The following PELI2 variants were observed in gnomAD, a reference collection of about 807,000 sequenced individuals.
The protein encoded by PELI2 is E3 ubiquitin-protein ligase pellino homolog 2.
A neutral mutation model predicts 42.3 loss-of-function variants in PELI2; 23 were observed. The observed-to-expected ratio is 0.54, with a 90% confidence interval of 0.39 to 0.77. The LOEUF (loss-of-function observed/expected upper bound fraction) is 0.77. Among genes scored for constraint, PELI2 ranks in the 30% least tolerant of loss-of-function variants. The probability of loss-of-function intolerance (pLI) is 0.00; values close to 1 mark genes in which losing one functional copy is unlikely to be tolerated. For missense variants in PELI2, 463 were observed against 553.2 expected (o/e 0.84, Z 1.64); for synonymous variants, 245 against 212.2 (o/e 1.15, Z -1.34).
intron 1 of PELI2, among the ~76,000 whole-genome samples, chr14:56,158,744 T>A (rs1169594507): frequency 1.3e-5 from 2 of 152,162 alleles, no homozygotes; most frequent in African/African-American, 4.8e-5. Context: ...TAATTAAAAA[T>A]TTTCCTAATT....
intron 1 of PELI2, among the ~76,000 whole-genome samples, chr14:56,157,020 C>G (rs904639292): frequency 1.6e-4 from 24 of 152,268 alleles, no homozygotes; most frequent in Admixed American, 1.4e-3. Context: ...TTGACTGACT[C>G]CTAGCATCCA....
intron 2 of PELI2, among the ~76,000 whole-genome samples, chr14:56,215,852 C>T (rs1886890725): frequency 6.6e-6 from 1 of 152,190 alleles, no homozygotes; most frequent in African/African-American, 2.4e-5. Context: ...TAGCTTAAAA[C>T]AGTGTCACTG....
At chr14:56,223,348 G>T (rs900544433) in intron 2 of PELI2, among the ~76,000 whole-genome samples, 1 of 152,180 alleles carries the variant, frequency 6.6e-6, no homozygotes, top group Non-Finnish European at 1.5e-5. Context: ...GACACTGGGG[G>T]ATGGTGTGAA....
chr14:56,291,075 G>T (rs1889812168), intron 5 of PELI2, among the ~76,000 whole-genome samples: 1 of 152,094 alleles, frequency 6.6e-6, no homozygotes, highest in South Asian at 2.1e-4. Context: ...CTTTCTTGGA[G>T]AATAATTATA....
rs1406052215 is a variant in PELI2 at position 56,288,882 on chromosome 14, T to C, written c.507+248T>C. 6.6e-6 allele frequency among the ~76,000 whole-genome samples: 1 copy of C among 152,234 alleles called. No homozygotes were observed. Among genetic ancestry groups the C allele is most frequent in the Non-Finnish European group, 1.5e-5 (1 of 68,048 alleles). On this transcript the variant is annotated intron_variant, in intron 4 of 5. Transcript: ENST00000267460. The surrounding 1 kb of genome is among the most constrained non-coding windows in gnomAD (Gnocchi z 4.6). ...GTAAGTACTTTTTTTAAAGTATGCCTATAACATTGTCCATAATGTATTTAC... is the reference window on the plus strand; with the variant it reads ...GTAAGTACTTTTTTTAAAGTATGCCCATAACATTGTCCATAATGTATTTAC...
At chr14:56,187,524 A>G (rs1262705236) in intron 2 of PELI2, among the ~76,000 whole-genome samples, 1 of 152,224 alleles carries the variant, frequency 6.6e-6, no homozygotes, top group African/African-American at 2.4e-5. Context: ...GTATAGCTGA[A>G]AAGAAGTCAC....
chr14:56,118,623 C>A lies in PELI2; in HGVS notation c.-38C>A. 1 of 1,259,986 alleles carries A rather than the reference C, an allele frequency of 7.9e-7. No homozygotes were observed. The allele number at this position is 1,259,986 out of a possible 1,614,324, so 78.1% of individuals were successfully genotyped here. A position where few individuals can be genotyped will look rare whatever the true frequency, so the allele number is the denominator to read the frequency against. ...TCGGCGGGGATCGCGGCGGAGGCGGCGGCGTCGGCGGCGGCGTCGGCGGCC... is the reference window on the plus strand; with the variant it reads ...TCGGCGGGGATCGCGGCGGAGGCGGAGGCGTCGGCGGCGGCGTCGGCGGCC... On this transcript the variant is annotated 5_prime_UTR_variant, in exon 1 of 6. Transcript: ENST00000267460.
chr14:56,192,301 C>G (rs1287090582), intron 2 of PELI2, among the ~76,000 whole-genome samples: 1 of 152,146 alleles, frequency 6.6e-6, no homozygotes, highest in Admixed American at 6.5e-5. Flanking sequence ...TCATCATTTT[C>G]TAAAGTCGAG....
Position 56,123,345 on chromosome 14 carries a change from A to T in PELI2, c.77+4608A>T, listed in dbSNP as rs185767846. 7.1e-3 allele frequency among the ~76,000 whole-genome samples: 1,076 copies of T among 152,300 alleles called. 2 individuals carry two copies. Among genetic ancestry groups the T allele is most frequent in the Non-Finnish European group, 0.01 (711 of 68,030 alleles). ...CCTCCACTCTAATTTGGGCCCAAAGACATCAAACATTAGTATCTTTTATAG... is the reference window on the plus strand; with the variant it reads ...CCTCCACTCTAATTTGGGCCCAAAGTCATCAAACATTAGTATCTTTTATAG... On this transcript the variant is annotated intron_variant, in intron 1 of 5. Coordinates refer to ENST00000267460, the MANE Select transcript of PELI2 (RefSeq NM_021255.3).
intron 2 of PELI2, among the ~76,000 whole-genome samples, chr14:56,258,312 A>T (rs1888591460): frequency 6.6e-6 from 1 of 152,016 alleles, no homozygotes; most frequent in Non-Finnish European, 1.5e-5. Flanking sequence ...CGCAAAAAAA[A>T]ATTAATGGCC....
At chr14:56,135,639 G>A (rs242419) in intron 1 of PELI2, among the ~76,000 whole-genome samples, 15,781 of 152,174 alleles carry the variant, frequency 0.1, 1,074 homozygotes, top group East Asian at 0.3. Flanking sequence ...ATTGAAAACA[G>A]CCTTTATTTT....
At position 56,203,264 on chromosome 14, in the gene PELI2, C is replaced by A. The variant is rs562709977; in HGVS notation, c.207+24800C>A. Among the ~76,000 whole-genome samples, 6 of 152,176 alleles carry A rather than the reference C, an allele frequency of 3.9e-5. No individual in the cohort carries two copies. The South Asian group carries it at 1.2e-3, about 32-fold the overall frequency. ...CTGAGGCATGAGAATTGTTTGAACC[C>A]AGGAAATGGAGGTTGCAGTGAGCCA... On this transcript the variant is annotated intron_variant, in intron 2 of 5. Coordinates refer to ENST00000267460, the MANE Select transcript of PELI2 (RefSeq NM_021255.3).
chr14:56,118,655 G>A lies in PELI2; in HGVS notation c.-6G>A, dbSNP rs751312713. On this transcript the variant is annotated 5_prime_UTR_variant, in exon 1 of 6. Coordinates refer to ENST00000267460, the MANE Select transcript of PELI2 (RefSeq NM_021255.3). ...GGCGGCGGCGTCGGCGGCCGAGCGG[G>A]GCTCCATGTTTTCCCCTGGCCAGGA... is the stretch of plus-strand genomic sequence containing the variant. 3.7e-4 allele frequency: 526 copies of A among 1,431,278 alleles called. 1 individual carries two copies. The highest frequency in any genetic ancestry group is 1.9e-3 in the Middle Eastern group (8 of 4,216). The allele number at this position is 1,431,278 out of a possible 1,614,324, so 88.7% of individuals were successfully genotyped here.
At chr14:56,235,119 G>A (rs1238212063) in intron 2 of PELI2, among the ~76,000 whole-genome samples, 1 of 152,014 alleles carries the variant, frequency 6.6e-6, no homozygotes, top group Admixed American at 6.6e-5. Context: ...TATTAGCTTG[G>A]TGCAAAGGTA....
intron 2 of PELI2, among the ~76,000 whole-genome samples, chr14:56,235,459 C>T (rs557782726): frequency 1.3e-5 from 2 of 152,318 alleles, no homozygotes; most frequent in African/African-American, 4.8e-5. Context: ...GAGCTTTCAT[C>T]CTCTCTTCTA....
At chr14:56,188,340 A>T (rs571015479) in intron 2 of PELI2, among the ~76,000 whole-genome samples, 11 of 152,318 alleles carry the variant, frequency 7.2e-5, no homozygotes, top group Middle Eastern at 3.4e-3. Flanking sequence ...CTGCAAACCC[A>T]CAGGCACATG....
At chr14:56,159,354 A>G (rs1884675208) in intron 1 of PELI2, among the ~76,000 whole-genome samples, 2 of 152,354 alleles carry the variant, frequency 1.3e-5, no homozygotes, top group Admixed American at 1.3e-4. Context: ...TCCTGTGGCC[A>G]TGGCAGAGAT....
At chr14:56,232,458 C>T (rs377218260) in intron 2 of PELI2, among the ~76,000 whole-genome samples, 23 of 152,188 alleles carry the variant, frequency 1.5e-4, no homozygotes, top group African/African-American at 3.6e-4. Flanking sequence ...GTTCAACATA[C>T]GCAAATCAAT....
intron 1 of PELI2, among the ~76,000 whole-genome samples, chr14:56,146,966 C>T (rs531553860): frequency 5.3e-5 from 8 of 152,212 alleles, no homozygotes; most frequent in Non-Finnish European, 8.8e-5. Context: ...TTCCTGTGCC[C>T]GTCTCAGCTC....
Sources: gnomAD v4.1 joint callset for allele counts (sites outside exome capture counted in the v4.1 genomes callset) on GRCh38, gnomAD v4.1.1 for gene constraint, Gnocchi (gnomAD v3.1) non-coding constraint, MANE v1.5 for transcripts, NCBI Gene and HGNC (gene_info 2026-07-23, HGNC 2026-07-21) for gene names.